UGT8: variants seen among roughly 807,000 people sequenced by gnomAD.
UGT8 encodes 2-hydroxyacylsphingosine 1-beta-galactosyltransferase.
In UGT8, 12 loss-of-function variants were observed where a neutral mutation model predicts 40.5. That is an observed-to-expected ratio of 0.30 (90% CI 0.19 to 0.48). The LOEUF is 0.48. UGT8 is among the 20% of genes least tolerant of loss of function. The probability of loss-of-function intolerance (pLI) is 0.99; values close to 1 mark genes in which losing one functional copy is unlikely to be tolerated. For missense variants in UGT8, 513 were observed against 648.7 expected, an observed-to-expected ratio of 0.79 and a Z score of 2.27; for synonymous variants, 224 against 240.4, an observed-to-expected ratio of 0.93 and a Z score of 0.63.
intron 1 of UGT8, among the ~76,000 whole-genome samples, chr4:114,616,733 T>C (rs1334409932): frequency 6.6e-6 from 1 of 152,180 alleles, no homozygotes; most frequent in Non-Finnish European, 1.5e-5. Flanking sequence ...TATTCGGCCA[T>C]CTTGGCTCCC....
At chr4:114,669,071 A>T (rs972222377) in intron 5 of UGT8, among the ~76,000 whole-genome samples, 2 of 152,246 alleles carry the variant, frequency 1.3e-5, no homozygotes, top group Non-Finnish European at 2.9e-5. Context: ...ATATGGCTTA[A>T]CACTGAGAAA....
intron 1 of UGT8, among the ~76,000 whole-genome samples, chr4:114,603,708 T>C (rs114489314): frequency 0.026 from 4,015 of 152,220 alleles, 76 homozygotes; most frequent in Middle Eastern, 0.048. Context: ...TTTCATTTCC[T>C]CATTTAGCAA....
chr4:114,616,249 CAG>C (rs1731422507), intron 1 of UGT8, among the ~76,000 whole-genome samples: 2 of 152,172 alleles, frequency 1.3e-5, no homozygotes, highest in African/African-American at 4.8e-5. Flanking sequence ...GGGCTCCACC[CAG>C]TTCGAGCTTC....
chr4:114,663,969 A>C (rs766168325), intron 2 of UGT8, 26 bp from the exon 3 acceptor site: 23 of 1,612,680 alleles, frequency 1.4e-5, no homozygotes, highest in Non-Finnish European at 2.0e-5. Context: ...TCTTCGTAAA[A>C]CTTACTGCCA....
At chr4:114,673,735 A>G (rs534464619) in intron 5 of UGT8, among the ~76,000 whole-genome samples, 1 of 152,140 alleles carries the variant, frequency 6.6e-6, no homozygotes, top group Admixed American at 6.6e-5. Flanking sequence ...ATTTTCTAAG[A>G]TGTCACGTTT....
chr4:114,622,686 C>T, intron 1 of UGT8, 193 bp from the exon 2 acceptor site: 2 of 521,710 alleles, frequency 3.8e-6, no homozygotes, highest in Non-Finnish European at 3.4e-6. Flanking sequence ...CTCTGATGGC[C>T]AGTGATGGTG....
At chr4:114,658,701 A>G (rs1734336742) in intron 2 of UGT8, among the ~76,000 whole-genome samples, 1 of 91,616 alleles carries the variant, frequency 1.1e-5, no homozygotes, top group East Asian at 5.0e-4. Flanking sequence ...ATTGGCCACA[A>G]TGAATAAAAA....
intron 2 of UGT8, among the ~76,000 whole-genome samples, chr4:114,652,938 A>G (rs919656558): frequency 1.3e-5 from 2 of 152,068 alleles, no homozygotes; most frequent in Non-Finnish European, 2.9e-5. Flanking sequence ...AAGAGTACAC[A>G]GTCTAGAAGG....
intron 1 of UGT8, among the ~76,000 whole-genome samples, chr4:114,616,341 A>G (rs2126092784): frequency 6.6e-6 from 1 of 152,038 alleles, no homozygotes; most frequent in East Asian, 1.9e-4. Flanking sequence ...TTGCAGTTTG[A>G]TCTCAGACTG....
At chr4:114,673,711 A>G (rs1169583726) in intron 5 of UGT8, among the ~76,000 whole-genome samples, 2 of 152,194 alleles carry the variant, frequency 1.3e-5, no homozygotes, top group African/African-American at 4.8e-5. Context: ...TGTTAAAATA[A>G]AAGATTGGAT....
chr4:114,602,855 C>T (rs1431467601), intron 1 of UGT8, among the ~76,000 whole-genome samples: 1 of 152,142 alleles, frequency 6.6e-6, no homozygotes, highest in East Asian at 1.9e-4. Context: ...TTGCCATTCT[C>T]AGGAGTATGG....
chr4:114,616,747 T>C lies in UGT8; in HGVS notation c.-2-6132T>C, dbSNP rs115680603. The stretch of plus-strand genomic sequence containing the variant: ...CTATTCGGCCATCTTGGCTCCCATG[T>C]ATGGTATTAAACTCTGGTATTTTAG... On this transcript the variant is annotated intron_variant, in intron 1 of 5. Transcript: ENST00000310836. Among the ~76,000 whole-genome samples the C allele has an allele frequency of 4.0e-3, 611 of 152,280 alleles. 7 individuals are homozygous for C. The highest frequency in any genetic ancestry group is 0.014 in the African/African-American group (575 of 41,558).
At chr4:114,609,216 A>C (rs1430882962) in intron 1 of UGT8, among the ~76,000 whole-genome samples, 3 of 152,080 alleles carry the variant, frequency 2.0e-5, no homozygotes, top group Admixed American at 6.5e-5. Context: ...TAGCCATTGC[A>C]CTCCAGCCTG....
rs1044628124 is a variant in UGT8, at chr4:114,611,413, T to C, written c.-2-11466T>C. On this transcript the variant is annotated intron_variant, in intron 1 of 5. Coordinates refer to ENST00000310836, the MANE Select transcript of UGT8 (RefSeq NM_001128174.3). The stretch of plus-strand genomic sequence containing the variant: ...ATAGCCATATATATCCATATATATA[T>C]ATATATATATATATATATATATATA... Among the ~76,000 whole-genome samples, 33 of 24,454 alleles carry C rather than the reference T, an allele frequency of 1.3e-3. No individual in the cohort carries two copies. The East Asian group carries it at 0.073, about 54-fold the overall frequency. The allele number at this position is 24,454 out of a possible 152,430, so 16.0% of individuals were successfully genotyped here.
chr4:114,610,910 T>TG (rs1730999887), intron 1 of UGT8, among the ~76,000 whole-genome samples: 1 of 152,106 alleles, frequency 6.6e-6, no homozygotes, highest in African/African-American at 2.4e-5. Context: ...TCTTAATTAG[T>TG]GGGGGAAATA....
intron 5 of UGT8, among the ~76,000 whole-genome samples, chr4:114,673,575 G>A (rs1451966286): frequency 6.6e-6 from 1 of 152,148 alleles, no homozygotes; most frequent in Non-Finnish European, 1.5e-5. Context: ...AAGAGTACAA[G>A]AAGTGAGATT....
At chr4:114,660,619 G>C (rs1204313513) in intron 2 of UGT8, among the ~76,000 whole-genome samples, 1 of 152,008 alleles carries the variant, frequency 6.6e-6, no homozygotes, top group African/African-American at 2.4e-5. Flanking sequence ...TAGGCTGGGC[G>C]TGGTGGCTTG....
At chr4:114,622,797 G>T (rs557653766) in intron 1 of UGT8, 82 bp from the exon 2 acceptor site, 3 of 1,237,960 alleles carry the variant, frequency 2.4e-6, no homozygotes, top group African/African-American at 1.5e-5. Context: ...AGATATTTTT[G>T]GGGAAAAATG....
At position 114,623,180 on chromosome 4, in the gene UGT8, A is replaced by G. The variant is rs1392639427; in HGVS notation, c.300A>G (p.Ala100=). Reference sequence around the variant, plus strand: ...ATATTTTCTCTGGGAGATTGACAGCAATCGAACTGTTTGACATACTGGATC... The same window carrying G: ...ATATTTTCTCTGGGAGATTGACAGCGATCGAACTGTTTGACATACTGGATC... ...MRNIFSGRLT[A]IELFDILDHY... The change falls in exon 2 of 6, where the codon GCA becomes GCG. Residue 100 remains alanine, a synonymous_variant. Transcript: ENST00000310836. The G allele has an allele frequency of 6.2e-7, 1 of 1,614,142 alleles. No individual in the cohort carries two copies. Among genetic ancestry groups the G allele is most frequent in the Admixed American group, 1.7e-5 (1 of 60,016 alleles).
Sources: gnomAD v4.1 joint callset for allele counts (sites outside exome capture counted in the v4.1 genomes callset) on GRCh38, gnomAD v4.1.1 for gene constraint, MANE v1.5 for transcripts, NCBI Gene and HGNC (gene_info 2026-07-23, HGNC 2026-07-21) for gene names.